HSPBAP1: variants seen among roughly 807,000 people sequenced by gnomAD.
HSPBAP1 encodes the protein HSPB1 associated protein 1.
HSPBAP1 carries 27 observed loss-of-function variants against 45.2 expected under a neutral mutation model. The observed-to-expected ratio is 0.60, with a 90% CI of 0.44 to 0.82. The LOEUF (loss-of-function observed/expected upper bound fraction) is 0.82. Among genes scored for constraint, HSPBAP1 ranks in the 40% least tolerant of loss-of-function variants. The pLI, the probability that HSPBAP1 is intolerant of heterozygous loss-of-function variation, is 0.00. For synonymous variants in HSPBAP1, 204 were observed against 202.7 expected, an observed-to-expected ratio of 1.01 and a Z score of -0.06; for missense variants, 510 against 590.9, an observed-to-expected ratio of 0.86 and a Z score of 1.42.
At chr3:122,765,409 C>T (rs757941197) in intron 3 of HSPBAP1, among the ~76,000 whole-genome samples, 31 of 151,950 alleles carry the variant, frequency 2.0e-4, no homozygotes, top group African/African-American at 3.1e-4. Context: ...GGTGAAACCC[C>T]GTTTCTACTA....
Position 122,759,332 on chromosome 3 carries a change from G to C in HSPBAP1, c.461C>G (p.Pro154Arg), listed in dbSNP as rs771425554. ...TGTACTTTCCTGTCCATTTCTTCCA[G>C]GAAACCCGAAGTCAGACCATTTCAC... The part of the protein sequence containing the change: ...QDVKWSDFGF[P>R]GRNGQESTLW... The change falls in exon 4 of 8, where the codon CCT (proline) becomes CGT (arginine). Residue 154 changes from proline to arginine, a missense_variant. Transcript: ENST00000306103. The C allele has an allele frequency of 6.2e-7, 1 of 1,613,830 alleles. No individual in the cohort carries two copies. The highest frequency in any genetic ancestry group is 8.5e-7 in the Non-Finnish European group (1 of 1,179,834).
At chr3:122,779,492 T>TTTTTTTTATTTATTTATTTA (rs1935327263) in intron 1 of HSPBAP1, among the ~76,000 whole-genome samples, 1 of 144,318 alleles carries the variant, frequency 6.9e-6, no homozygotes, top group Non-Finnish European at 1.5e-5. Context: ...ATATGTTTTC[T>TTTTTTTTATTTATTTATTTA]TTTATTTATT....
chr3:122,764,752 C>T (rs771749554), intron 3 of HSPBAP1, among the ~76,000 whole-genome samples: 1 of 152,214 alleles, frequency 6.6e-6, no homozygotes, highest in Non-Finnish European at 1.5e-5. Flanking sequence ...TTCTTGCTCT[C>T]AGACTCATTA....
chr3:122,749,878 G>A (rs544274637), intron 6 of HSPBAP1, among the ~76,000 whole-genome samples: 36 of 152,016 alleles, frequency 2.4e-4, no homozygotes, highest in African/African-American at 8.4e-4. Flanking sequence ...CCAAAGTGCC[G>A]GGATTATAGG....
chr3:122,781,473 C>G (rs887692076), intron 1 of HSPBAP1, among the ~76,000 whole-genome samples: 2 of 151,888 alleles, frequency 1.3e-5, no homozygotes, highest in Non-Finnish European at 2.9e-5. Flanking sequence ...GAGAATCAGG[C>G]AGGGAGGTTG....
intron 6 of HSPBAP1, 92 bp downstream of exon 6, chr3:122,752,495 AAATT>A (rs1934188686): frequency 2.9e-6 from 2 of 697,410 alleles, no homozygotes; most frequent in Non-Finnish European, 4.7e-6. Flanking sequence ...TGGTTAAAAA[AAATT>A]AATTACCCAG....
intron 1 of HSPBAP1, among the ~76,000 whole-genome samples, 159 bp from the exon 2 acceptor site, chr3:122,778,065 C>T (rs958331510): frequency 2.0e-5 from 3 of 151,922 alleles, no homozygotes; most frequent in Admixed American, 2.0e-4. Flanking sequence ...ACACATGTGG[C>T]CTCAAAAGAC....
intron 5 of HSPBAP1, chr3:122,752,898 T>A (rs1934209385): frequency 7.9e-7 from 1 of 1,263,660 alleles, no homozygotes. Flanking sequence ...ACTGCCAGCA[T>A]CTCTATTCTC....
chr3:122,784,775 A>G (rs1210564943), intron 1 of HSPBAP1, among the ~76,000 whole-genome samples: 1 of 152,234 alleles, frequency 6.6e-6, no homozygotes, highest in Non-Finnish European at 1.5e-5. Flanking sequence ...GACTTGCCAT[A>G]AGAGAAGTCA....
chr3:122,746,769 C>G (rs904646013), intron 6 of HSPBAP1, among the ~76,000 whole-genome samples: 1 of 152,074 alleles, frequency 6.6e-6, no homozygotes, highest in East Asian at 1.9e-4. Context: ...TCTCCTGCCT[C>G]GGCCTGCCGA....
chr3:122,786,820 G>A (rs778345658), intron 1 of HSPBAP1, among the ~76,000 whole-genome samples: 1 of 152,166 alleles, frequency 6.6e-6, no homozygotes, highest in South Asian at 2.1e-4. Flanking sequence ...CAGGCCCATC[G>A]TGAAATAAAA....
Position 122,777,736 on chromosome 3 carries a change from T to A in HSPBAP1, c.235A>T (p.Lys79Ter). 6.2e-7 allele frequency: 1 copy of A among 1,613,670 alleles called. No homozygotes were observed. The highest frequency in any genetic ancestry group is 1.1e-5 in the South Asian group (1 of 91,018). Residue 79 changes from lysine (K) to a stop codon, truncating the protein, a stop_gained, in exon 2 of 8, where the codon AAA becomes TAA. Transcript: ENST00000306103. LOFTEE classifies it high-confidence loss of function. ...ATAGTCATACCTGTGCTCATGCTTT[T>A]CATCCCCATTCTGAATCGTATCTGC... is the stretch of plus-strand genomic sequence containing the variant. ...GKQIRFRMGMKSMSTVPQFET... is the reference protein window; with the variant it reads ...GKQIRFRMGM
chr3:122,762,288 C>T (rs553448226), intron 3 of HSPBAP1, among the ~76,000 whole-genome samples: 3 of 149,050 alleles, frequency 2.0e-5, no homozygotes, highest in Non-Finnish European at 3.0e-5. Context: ...TTTTTTTAAC[C>T]TAGACACAGC....
At chr3:122,781,929 C>G (rs1341976792) in intron 1 of HSPBAP1, among the ~76,000 whole-genome samples, 1 of 152,154 alleles carries the variant, frequency 6.6e-6, no homozygotes, top group Non-Finnish European at 1.5e-5. Context: ...CTGTGATAAA[C>G]ACATGAAGGC....
At chr3:122,772,458 G>A (rs1206362828) in intron 2 of HSPBAP1, among the ~76,000 whole-genome samples, 1 of 151,928 alleles carries the variant, frequency 6.6e-6, no homozygotes, top group African/African-American at 2.4e-5. Context: ...CTTAATATGC[G>A]GCCCAAAAAC....
intron 6 of HSPBAP1, 68 bp downstream of exon 6, chr3:122,752,523 C>T: frequency 1.1e-6 from 1 of 948,594 alleles, no homozygotes; most frequent in Non-Finnish European, 1.6e-6. Flanking sequence ...TACAGCCAGA[C>T]CTTATATATC....
At chr3:122,747,868 C>T (rs528694151) in intron 6 of HSPBAP1, among the ~76,000 whole-genome samples, 4 of 152,316 alleles carry the variant, frequency 2.6e-5, no homozygotes, top group East Asian at 3.9e-4. Context: ...GCCGCCACCC[C>T]GTCTGGGAGG....
intron 5 of HSPBAP1, chr3:122,753,462 G>T (rs921404002): frequency 3.2e-5 from 31 of 981,430 alleles, no homozygotes; most frequent in South Asian, 4.7e-5. Flanking sequence ...TAAAATAGTG[G>T]TATCGAGAGA....
chr3:122,768,880 G>T lies in HSPBAP1; in HGVS notation c.253C>A (p.Pro85Thr). ...TAATTACATGTAGTTTCAAACTGAG[G>T]AACTGCAATGTAAGAGAATGCAACC... is the stretch of plus-strand genomic sequence containing the variant. ...RMGMKSMSTV[P>T]QFETTCNYVE... The change falls in exon 3 of 8, where the codon CCT becomes ACT. Residue 85 changes from proline to threonine, a missense_variant and splice_region_variant. Physicochemically the swap from Pro to Thr is conservative, Grantham distance 38. Coordinates refer to ENST00000306103, the MANE Select transcript of HSPBAP1 (RefSeq NM_024610.6). 6.3e-7 allele frequency: 1 copy of T among 1,594,522 alleles called. No homozygotes were observed. Among genetic ancestry groups the T allele is most frequent in the Non-Finnish European group, 8.6e-7 (1 of 1,163,844 alleles).
Sources: allele counts gnomAD v4.1 joint callset (sites outside exome capture counted in the v4.1 genomes callset), GRCh38; gene constraint gnomAD v4.1.1; transcripts MANE v1.5; gene names NCBI Gene and HGNC (gene_info 2026-07-23, HGNC 2026-07-21).